The following PCDH7 variants were observed in gnomAD, a reference collection of about 807,000 sequenced individuals.
PCDH7 encodes the protein protocadherin-7.
A neutral mutation model predicts 58.9 loss-of-function variants in PCDH7; 17 were observed. That is an observed-to-expected ratio of 0.29 (90% CI 0.20 to 0.43). The LOEUF (loss-of-function observed/expected upper bound fraction) is 0.43, where lower values mean the gene tolerates loss of function less well. Ranked by LOEUF, PCDH7 falls within the 20% of genes least tolerant of loss-of-function variation. The pLI is 1.00. For synonymous variants in PCDH7, 664 were observed against 616.4 expected, an observed-to-expected ratio of 1.08 and a Z score of -1.14; for missense variants, 1,274 against 1,441.0, an observed-to-expected ratio of 0.88 and a Z score of 1.88.
intron 3 of PCDH7, among the ~76,000 whole-genome samples, chr4:31,006,892 CAAAAAA>C (rs71651570): frequency 1.9e-4 from 23 of 118,280 alleles, no homozygotes; most frequent in Admixed American, 5.1e-4. Flanking sequence ...AACTTTGTCT[CAAAAAA>C]AAAAAAAAAG....
intron 3 of PCDH7, among the ~76,000 whole-genome samples, chr4:31,137,560 G>A (rs745349731): frequency 6.6e-6 from 1 of 152,202 alleles, no homozygotes; most frequent in Non-Finnish European, 1.5e-5. Context: ...CTCCAGCCTG[G>A]ATGACAGAGC....
chr4:31,075,444 T>G (rs1032719464), intron 3 of PCDH7, among the ~76,000 whole-genome samples: 3 of 152,222 alleles, frequency 2.0e-5, no homozygotes, highest in African/African-American at 4.8e-5. Flanking sequence ...AGCCTTAATT[T>G]CTACCTCTGT....
At chr4:30,900,392 T>C (rs1740057901) in intron 1 of PCDH7, among the ~76,000 whole-genome samples, 1 of 152,230 alleles carries the variant, frequency 6.6e-6, no homozygotes, top group Non-Finnish European at 1.5e-5. Flanking sequence ...GCTTGTGATT[T>C]AAGGAGTTGA....
chr4:31,142,894 A>T, exon 4 of PCDH7: 1 of 1,296,840 alleles, frequency 7.7e-7, no homozygotes. Context: ...TATGAAAAGG[A>T]GAATAAGGGG....
chr4:30,934,282 TTC>T (rs34327790), intron 2 of PCDH7, among the ~76,000 whole-genome samples: 105,424 of 151,852 alleles, frequency 0.69, 36,630 homozygotes, highest in East Asian at 0.78. Flanking sequence ...ATCAAATTAG[TTC>T]TGTCAATTGC....
chr4:30,837,839 A>C (rs1730691483), intron 1 of PCDH7, among the ~76,000 whole-genome samples: 1 of 149,414 alleles, frequency 6.7e-6, no homozygotes, highest in South Asian at 2.1e-4. Context: ...CATTTCTAAA[A>C]ATAATTGATT....
At chr4:30,811,233 T>A (rs1027179688) in intron 1 of PCDH7, among the ~76,000 whole-genome samples, 1 of 152,104 alleles carries the variant, frequency 6.6e-6, no homozygotes, top group Admixed American at 6.5e-5. Flanking sequence ...TTGATAGGAG[T>A]TGGCAAAGAT....
At chr4:30,727,653 C>T (rs1222774967) in intron 1 of PCDH7, among the ~76,000 whole-genome samples, 8 of 151,856 alleles carry the variant, frequency 5.3e-5, no homozygotes, top group African/African-American at 1.9e-4. Context: ...TTTCATTCTT[C>T]CTTGGTAAAC....
intron 3 of PCDH7, among the ~76,000 whole-genome samples, chr4:31,133,972 C>G (rs906240990): frequency 8.5e-5 from 13 of 152,158 alleles, no homozygotes; most frequent in African/African-American, 3.1e-4. Flanking sequence ...GGCATGTCAG[C>G]TTGAACTAGA....
chr4:31,097,010 C>T (rs1057276051), intron 3 of PCDH7, among the ~76,000 whole-genome samples: 1 of 151,736 alleles, frequency 6.6e-6, no homozygotes, highest in African/African-American at 2.4e-5. Flanking sequence ...TGTCTATACA[C>T]AGAGAGAAAA....
chr4:30,945,615 A>T (rs1746578639), intron 2 of PCDH7, among the ~76,000 whole-genome samples: 1 of 151,626 alleles, frequency 6.6e-6, no homozygotes, highest in Non-Finnish European at 1.5e-5. Context: ...TTCTCTATTT[A>T]TTTTTTTTAA....
chr4:31,138,388 G>A (rs1047171587), intron 3 of PCDH7, among the ~76,000 whole-genome samples: 2 of 152,094 alleles, frequency 1.3e-5, no homozygotes, highest in African/African-American at 4.8e-5. Flanking sequence ...TCTATTTCCT[G>A]TGCTACTCAG....
At chr4:31,088,708 G>T (rs1419776349) in intron 3 of PCDH7, among the ~76,000 whole-genome samples, 1 of 151,778 alleles carries the variant, frequency 6.6e-6, no homozygotes, top group Non-Finnish European at 1.5e-5. Flanking sequence ...GAGTGTATTT[G>T]TTTTTTTAAA....
intron 3 of PCDH7, among the ~76,000 whole-genome samples, chr4:30,977,282 T>G (rs189282071): frequency 1.1e-4 from 16 of 152,306 alleles, no homozygotes; most frequent in African/African-American, 3.4e-4. Flanking sequence ...AATTATCATT[T>G]TAATAAAAAT....
intron 3 of PCDH7, among the ~76,000 whole-genome samples, chr4:31,033,968 C>T (rs1578616117): frequency 6.6e-6 from 1 of 151,908 alleles, no homozygotes; most frequent in Non-Finnish European, 1.5e-5. Flanking sequence ...GTGATGCGCC[C>T]CTGTAATCCC....
At chr4:30,895,194 G>A (rs1057106941) in intron 1 of PCDH7, among the ~76,000 whole-genome samples, 3 of 151,462 alleles carry the variant, frequency 2.0e-5, no homozygotes, top group African/African-American at 7.3e-5. Context: ...AGTGGAGAAT[G>A]CAAAGGAGGA....
At chr4:31,017,142 G>T (rs1303813854) in intron 3 of PCDH7, among the ~76,000 whole-genome samples, 1 of 152,104 alleles carries the variant, frequency 6.6e-6, no homozygotes, top group African/African-American at 2.4e-5. Context: ...TGTAAAAGCT[G>T]CCCAAGAAGC....
intron 1 of PCDH7, among the ~76,000 whole-genome samples, chr4:30,915,016 TTTTA>T (rs1241341818): frequency 6.6e-6 from 1 of 152,212 alleles, no homozygotes; most frequent in Non-Finnish European, 1.5e-5. Context: ...ATTATTCTGA[TTTTA>T]TTTCTCTCTT....
At chr4:31,111,562 G>C (rs1420059344) in intron 3 of PCDH7, among the ~76,000 whole-genome samples, 1 of 151,874 alleles carries the variant, frequency 6.6e-6, no homozygotes, top group South Asian at 2.1e-4. Context: ...GGCCCATCTC[G>C]GCCTCCCACA....
Sources: gnomAD v4.1 joint callset for allele counts (sites outside exome capture counted in the v4.1 genomes callset) on GRCh38, gnomAD v4.1.1 for gene constraint, MANE v1.5 for transcripts, NCBI Gene and HGNC (gene_info 2026-07-23, HGNC 2026-07-21) for gene names.